Variants in SLC35F4 observed in about 807,000 individuals in gnomAD.
SLC35F4 encodes the protein solute carrier family 35 member F4, also known as chromosome 14 open reading frame 36.
Under a neutral mutation model 44.2 loss-of-function variants are expected in SLC35F4, and 24 were observed. The observed-to-expected ratio is 0.54, with a 90% CI of 0.39 to 0.76. The LOEUF is 0.76. Among genes scored for constraint, SLC35F4 ranks in the 30% least tolerant of loss-of-function variants. The pLI is 0.00. For synonymous variants in SLC35F4, 238 were observed against 223.6 expected (o/e 1.06, Z -0.57); for missense variants, 562 against 586.1 (o/e 0.96, Z 0.42).
At position 57,630,616 on chromosome 14, in the gene SLC35F4, C is replaced by G. The variant is rs1239505576; in HGVS notation, c.104-36492G>C. 1.4e-5 allele frequency: 11 copies of G among 813,630 alleles called. No individual in the cohort carries two copies. The African/African-American group carries it at 1.8e-4, about 13-fold the overall frequency. The allele number at this position is 813,630 out of a possible 1,614,324, so 50.4% of individuals were successfully genotyped here. ...GAACCACCTAGATCCAAATCTCAGT[C>G]AAAATCACAGTCTATGTTTAGGTCA... On this transcript the variant is annotated intron_variant, in intron 1 of 7. Coordinates refer to ENST00000556826, the MANE Select transcript of SLC35F4 (RefSeq NM_001306087.2).
At chr14:57,891,543 A>AAT (rs1408740852) in intron 1 of SLC35F4, among the ~76,000 whole-genome samples, 1 of 152,090 alleles carries the variant, frequency 6.6e-6, no homozygotes, top group Non-Finnish European at 1.5e-5. Context: ...TAGTAAGAAT[A>AAT]ATATAAGTAC....
chr14:57,674,956 GAA>G (rs1047861714), intron 1 of SLC35F4, among the ~76,000 whole-genome samples: 27 of 152,098 alleles, frequency 1.8e-4, no homozygotes, highest in African/African-American at 5.8e-4. Context: ...CAACATTTTT[GAA>G]AAGAGTCTGG....
intron 1 of SLC35F4, among the ~76,000 whole-genome samples, chr14:57,820,443 A>G (rs1278207298): frequency 6.6e-6 from 1 of 152,060 alleles, no homozygotes; most frequent in Non-Finnish European, 1.5e-5. Context: ...GAGCACAGAC[A>G]GCATGCCACA....
intron 1 of SLC35F4, among the ~76,000 whole-genome samples, chr14:57,653,336 C>T (rs1003385414): frequency 2.0e-5 from 3 of 152,080 alleles, no homozygotes; most frequent in Non-Finnish European, 4.4e-5. Flanking sequence ...AAACAACTGA[C>T]AAGGGAGACT....
rs995140665 is a variant in SLC35F4 at position 57,865,963 on chromosome 14, CCGG to C, written c.-141_-139del. On this transcript the variant is annotated 5_prime_UTR_variant, in exon 1 of 8. Coordinates refer to ENST00000556826, the MANE Select transcript of SLC35F4 (RefSeq NM_001306087.2). ...CGCGCCCGGGCTCTGACTCCACCGC[CCGG>C]CGCAGCACCGGCTCCGCATCACAGC... 22 of 499,708 alleles carry C rather than the reference CCGG, an allele frequency of 4.4e-5. No individual in the cohort carries two copies. In the African/African-American group the frequency reaches 4.6e-4, roughly 10 times the overall value. The allele number at this position is 499,708 out of a possible 1,614,324, so 31.0% of individuals were successfully genotyped here.
At chr14:57,820,115 A>C (rs1285353258) in intron 1 of SLC35F4, among the ~76,000 whole-genome samples, 1 of 152,200 alleles carries the variant, frequency 6.6e-6, no homozygotes, top group Non-Finnish European at 1.5e-5. Flanking sequence ...CATAAATAAA[A>C]ATCAGTTTTA....
intron 1 of SLC35F4, among the ~76,000 whole-genome samples, chr14:57,736,083 T>C (rs2076457392): frequency 6.6e-6 from 1 of 152,114 alleles, no homozygotes; most frequent in East Asian, 1.9e-4. Context: ...AATGCTACAG[T>C]CATCTCTGAA....
At chr14:57,928,944 C>G (rs144679711) in intron 1 of SLC35F4, among the ~76,000 whole-genome samples, 1 of 152,096 alleles carries the variant, frequency 6.6e-6, no homozygotes, top group African/African-American at 2.4e-5. Context: ...AAAGAGGAAG[C>G]AGAGGAAATA....
chr14:57,635,262 A>C (rs961275399), intron 1 of SLC35F4, among the ~76,000 whole-genome samples: 21 of 145,134 alleles, frequency 1.4e-4, no homozygotes, highest in African/African-American at 2.7e-4. Flanking sequence ...AAAAAAAAAA[A>C]CCCCAAATAT....
intron 1 of SLC35F4, among the ~76,000 whole-genome samples, chr14:57,610,426 C>T (rs1974002): frequency 0.71 from 107,267 of 151,824 alleles, 38,707 homozygotes; most frequent in Middle Eastern, 0.8. Context: ...GCTGACTGCG[C>T]GGGGTCTGTG....
At chr14:57,596,749 TTATC>T in intron 1 of SLC35F4, 1 of 1,349,786 alleles carries the variant, frequency 7.4e-7, no homozygotes, top group Non-Finnish European at 9.9e-7. Flanking sequence ...CACCAGTGAT[TTATC>T]TTCCTTTCTC....
chr14:57,565,624 T>C (rs2068168259), intron 7 of SLC35F4, among the ~76,000 whole-genome samples: 1 of 152,238 alleles, frequency 6.6e-6, no homozygotes, highest in East Asian at 1.9e-4. Flanking sequence ...CACTCTGATA[T>C]TTCTTTTCTC....
chr14:57,743,110 A>G lies in SLC35F4; in HGVS notation c.103+122613T>C, dbSNP rs192058584. 2.0e-3 allele frequency among the ~76,000 whole-genome samples: 300 copies of G among 152,346 alleles called. 2 individuals are homozygous for G. The highest frequency in any genetic ancestry group is 0.01 in the Middle Eastern group (3 of 294). Reference sequence around the variant, plus strand: ...AAATTTATAGCACTAAATGCCCACAAGAGAAAGCAGCAAAGATATAAAATT... The same window carrying G: ...AAATTTATAGCACTAAATGCCCACAGGAGAAAGCAGCAAAGATATAAAATT... On this transcript the variant is annotated intron_variant, in intron 1 of 7. Transcript: ENST00000556826.
At chr14:57,979,473 A>T (rs369983853) in intron 1 of SLC35F4, among the ~76,000 whole-genome samples, 1 of 152,176 alleles carries the variant, frequency 6.6e-6, no homozygotes, top group African/African-American at 2.4e-5. Context: ...TCATGCAGAA[A>T]CAACCTGGTA....
intron 1 of SLC35F4, among the ~76,000 whole-genome samples, chr14:57,949,936 C>G (rs1890104768): frequency 6.6e-6 from 1 of 152,204 alleles, no homozygotes; most frequent in Middle Eastern, 3.4e-3. Flanking sequence ...TTGTCTGATG[C>G]TTTTGTTTCA....
At chr14:57,920,740 A>C (rs1352590634) in intron 1 of SLC35F4, among the ~76,000 whole-genome samples, 1 of 152,192 alleles carries the variant, frequency 6.6e-6, no homozygotes, top group African/African-American at 2.4e-5. Context: ...AGTCTATAGA[A>C]ATAAATATAG....
At chr14:57,739,187 CG>C (rs1205013791) in intron 1 of SLC35F4, among the ~76,000 whole-genome samples, 1 of 151,986 alleles carries the variant, frequency 6.6e-6, no homozygotes, top group Non-Finnish European at 1.5e-5. Flanking sequence ...AGGGTACCTC[CG>C]GGTGGTAAAT....
intron 1 of SLC35F4, among the ~76,000 whole-genome samples, chr14:57,771,366 T>C (rs1038808755): frequency 2.6e-5 from 4 of 152,152 alleles, no homozygotes; most frequent in African/African-American, 7.2e-5. Flanking sequence ...GAAAATATGC[T>C]CCACAGGTTA....
intron 1 of SLC35F4, among the ~76,000 whole-genome samples, chr14:57,918,306 C>T (rs1026624695): frequency 2.0e-5 from 3 of 152,140 alleles, no homozygotes; most frequent in Non-Finnish European, 4.4e-5. Flanking sequence ...TCCAGCAATT[C>T]ATGAATTACA....
Sources: allele counts gnomAD v4.1 joint callset (sites outside exome capture counted in the v4.1 genomes callset), GRCh38; gene constraint gnomAD v4.1.1; transcripts MANE v1.5; gene names NCBI Gene and HGNC (gene_info 2026-07-23, HGNC 2026-07-21).